The following EPM2A variants were observed in gnomAD, a reference collection of about 807,000 sequenced individuals.
EPM2A encodes the protein laforin.
In EPM2A, 21 loss-of-function variants were observed where a neutral mutation model predicts 26.5. That is an observed-to-expected ratio of 0.79 (90% CI 0.56 to 1.14). The LOEUF (loss-of-function observed/expected upper bound fraction) is 1.14, where lower values mean the gene tolerates loss of function less well. Among genes scored for constraint, EPM2A ranks in the 50% most tolerant of loss-of-function variants. EPM2A has a pLI of 0.00. For synonymous variants in EPM2A, 217 were observed against 177.6 expected, an observed-to-expected ratio of 1.22 and a Z score of -1.76; for missense variants, 458 against 440.8, an observed-to-expected ratio of 1.04 and a Z score of -0.35.
intron 4 of EPM2A, among the ~76,000 whole-genome samples, chr6:145,470,557 T>G (rs895546771): frequency 6.6e-6 from 1 of 152,188 alleles, no homozygotes; most frequent in South Asian, 2.1e-4. Flanking sequence ...CACTTTTGAC[T>G]GTGTCTAGTT....
intron 2 of EPM2A, among the ~76,000 whole-genome samples, chr6:145,615,978 G>T (rs1284882322): frequency 6.6e-6 from 1 of 152,174 alleles, no homozygotes; most frequent in Non-Finnish European, 1.5e-5. Flanking sequence ...CAATAGAAAA[G>T]AAAATCCCAT....
At chr6:145,663,225 A>T (rs1417164668) in intron 2 of EPM2A, among the ~76,000 whole-genome samples, 2 of 152,218 alleles carry the variant, frequency 1.3e-5, no homozygotes, top group African/African-American at 4.8e-5. Flanking sequence ...ATGATAGCAA[A>T]TACATTAAGA....
At chr6:145,534,443 A>T (rs977721032) in intron 2 of EPM2A, among the ~76,000 whole-genome samples, 10 of 152,270 alleles carry the variant, frequency 6.6e-5, no homozygotes, top group Admixed American at 3.3e-4. Context: ...CTAGCAACTT[A>T]AAGGAGGGGG....
At chr6:145,531,116 A>G (rs1325137762) in intron 2 of EPM2A, among the ~76,000 whole-genome samples, 3 of 152,192 alleles carry the variant, frequency 2.0e-5, no homozygotes, top group African/African-American at 7.2e-5. Flanking sequence ...TATAAACACA[A>G]ATCTTCTTGG....
At chr6:145,580,222 A>G (rs1351406745) in intron 2 of EPM2A, among the ~76,000 whole-genome samples, 1 of 152,120 alleles carries the variant, frequency 6.6e-6, no homozygotes. Context: ...CATGTACTAT[A>G]AGGCTGCCAG....
chr6:145,645,558 GC>G (rs1777399037), intron 2 of EPM2A, among the ~76,000 whole-genome samples: 1 of 151,942 alleles, frequency 6.6e-6, no homozygotes, highest in Non-Finnish European at 1.5e-5. Flanking sequence ...TTCTGCTTCA[GC>G]CTCGAAGGTC....
intron 2 of EPM2A, among the ~76,000 whole-genome samples, chr6:145,590,577 T>C (rs958541537): frequency 2.0e-5 from 3 of 152,150 alleles, no homozygotes; most frequent in African/African-American, 7.2e-5. Context: ...ACAGGGTCCC[T>C]ATATAATAAT....
At chr6:145,456,308 A>T (rs1479254803) in intron 4 of EPM2A, among the ~76,000 whole-genome samples, 1 of 152,246 alleles carries the variant, frequency 6.6e-6, no homozygotes, top group Non-Finnish European at 1.5e-5. Flanking sequence ...TATACTTGGT[A>T]CCCCAGTACT....
chr6:145,722,041 TATC>T (rs2128639274), intron 1 of EPM2A, among the ~76,000 whole-genome samples: 1 of 152,326 alleles, frequency 6.6e-6, no homozygotes, highest in African/African-American at 2.4e-5. Flanking sequence ...TAACAAGTAA[TATC>T]ATTTCAGTTA....
chr6:145,625,764 G>C lies in EPM2A; in HGVS notation c.*1652C>G. On this transcript the variant is annotated 3_prime_UTR_variant, in exon 4 of 4. Coordinates refer to ENST00000367519, the MANE Select transcript of EPM2A (RefSeq NM_005670.4). ...AATGTCATCTCCCCTAAGTGCCACA[G>C]TTCTATCTCCCCGTCCTCTGAGCTC... 8.2e-7 allele frequency: 1 copy of C among 1,212,518 alleles called. No individual in the cohort carries two copies. The highest frequency in any genetic ancestry group is 1.2e-6 in the Non-Finnish European group (1 of 817,456). 75.1% of individuals were successfully genotyped at this position (1,212,518 alleles called of 1,614,324 possible). A position where few individuals can be genotyped will look rare whatever the true frequency, so the allele number is the denominator to read the frequency against.
intron 4 of EPM2A, among the ~76,000 whole-genome samples, chr6:145,472,468 C>G (rs187223861): frequency 1.8e-3 from 268 of 152,132 alleles, no homozygotes; most frequent in African/African-American, 5.3e-3. Flanking sequence ...TCATGGGGTC[C>G]CTAATTCCAG....
chr6:145,630,448 A>G (rs117221388), intron 3 of EPM2A: 3,309 of 151,860 alleles, frequency 0.022, 55 homozygotes, highest in Non-Finnish European at 0.036. Context: ...CCTCATTTCT[A>G]CTAAAATTAA....
At chr6:145,503,157 G>A (rs1198463318) in intron 2 of EPM2A, among the ~76,000 whole-genome samples, 1 of 152,100 alleles carries the variant, frequency 6.6e-6, no homozygotes, top group Non-Finnish European at 1.5e-5. Context: ...TGTGTATAGA[G>A]GAAAGCTTTA....
At chr6:145,561,785 C>A (rs1167218547) in intron 2 of EPM2A, among the ~76,000 whole-genome samples, 1 of 152,130 alleles carries the variant, frequency 6.6e-6, no homozygotes, top group Non-Finnish European at 1.5e-5. Context: ...CGTTTTTCTG[C>A]ATGCAGAAAC....
chr6:145,732,301 G>C (rs1353807579), intron 1 of EPM2A, among the ~76,000 whole-genome samples: 3 of 150,822 alleles, frequency 2.0e-5, no homozygotes, highest in Admixed American at 6.6e-5. Flanking sequence ...CTCTCATATA[G>C]GGGTAACTTC....
At chr6:145,466,527 A>G (rs991649950) in intron 4 of EPM2A, among the ~76,000 whole-genome samples, 3 of 151,950 alleles carry the variant, frequency 2.0e-5, no homozygotes, top group Non-Finnish European at 4.4e-5. Flanking sequence ...AAATAGGAAC[A>G]CTTTTACACT....
chr6:145,640,963 A>C (rs1242143053), intron 2 of EPM2A: 1 of 152,244 alleles, frequency 6.6e-6, no homozygotes, highest in Non-Finnish European at 1.5e-5. Flanking sequence ...TTCTTTATTA[A>C]ACCATAGTTT....
chr6:145,676,677 A>C (rs1476431488), intron 2 of EPM2A, among the ~76,000 whole-genome samples: 2 of 152,244 alleles, frequency 1.3e-5, no homozygotes, highest in Non-Finnish European at 2.9e-5. Flanking sequence ...TAGAAAATCA[A>C]GAAGAAATGG....
intron 1 of EPM2A, among the ~76,000 whole-genome samples, chr6:145,728,863 T>C (rs1776340136): frequency 6.6e-6 from 1 of 152,180 alleles, no homozygotes; most frequent in East Asian, 1.9e-4. Context: ...GAGACCTCCA[T>C]AGCAGCCCCT....
Sources: allele counts gnomAD v4.1 joint callset (sites outside exome capture counted in the v4.1 genomes callset), GRCh38; gene constraint gnomAD v4.1.1; transcripts MANE v1.5; gene names NCBI Gene and HGNC (gene_info 2026-07-23, HGNC 2026-07-21).